CDH13: variants seen among roughly 807,000 people sequenced by gnomAD.
CDH13 encodes cadherin-13.
Under a neutral mutation model 63.8 loss-of-function variants are expected in CDH13, and 24 were observed. The ratio of observed to expected loss-of-function variants is 0.38; its 90% CI spans 0.27 to 0.53. The LOEUF is 0.53. Ranked by LOEUF, CDH13 falls within the 20% of genes least tolerant of loss-of-function variation. The pLI is 0.85. For missense variants in CDH13, 1,049 were observed against 903.1 expected (o/e 1.16, Z -2.07); for synonymous variants, 503 against 355.3 (o/e 1.42, Z -4.67).
chr16:83,483,888 A>G (rs985108290), intron 6 of CDH13, among the ~76,000 whole-genome samples: 2 of 152,210 alleles, frequency 1.3e-5, no homozygotes, highest in Non-Finnish European at 2.9e-5. Context: ...ATTCTGTAGC[A>G]TGTCAATGGG....
chr16:82,891,173 T>C (rs1162083235), intron 2 of CDH13, among the ~76,000 whole-genome samples: 3 of 152,048 alleles, frequency 2.0e-5, no homozygotes, highest in Non-Finnish European at 2.9e-5. Context: ...GAGCCTGATC[T>C]CTGTAAGAGG....
chr16:83,488,476 A>C (rs938491093), intron 7 of CDH13, among the ~76,000 whole-genome samples: 1 of 152,216 alleles, frequency 6.6e-6, no homozygotes, highest in Non-Finnish European at 1.5e-5. Context: ...GGAGAGACAG[A>C]GAAATTTGCA....
intron 1 of CDH13, among the ~76,000 whole-genome samples, chr16:82,658,527 G>T (rs527916893): frequency 2.0e-5 from 3 of 152,350 alleles, no homozygotes; most frequent in African/African-American, 4.8e-5. Context: ...GAGTCAGGCT[G>T]CCTGGGTATA....
At chr16:83,194,464 C>T (rs895252464) in intron 4 of CDH13, among the ~76,000 whole-genome samples, 1 of 152,220 alleles carries the variant, frequency 6.6e-6, no homozygotes, top group African/African-American at 2.4e-5. Flanking sequence ...AGGATAGAAA[C>T]ATAAATGGAA....
At chr16:83,104,630 T>A (rs1365835419) in intron 3 of CDH13, among the ~76,000 whole-genome samples, 2 of 122,866 alleles carry the variant, frequency 1.6e-5, no homozygotes. Flanking sequence ...GTGGCGGGGG[T>A]GGGCGGGGGA....
At chr16:83,547,704 T>C (rs747578166) in intron 7 of CDH13, among the ~76,000 whole-genome samples, 5 of 152,268 alleles carry the variant, frequency 3.3e-5, no homozygotes, top group African/African-American at 1.2e-4. Context: ...CTACAGTTGA[T>C]GGGCATTTAG....
chr16:83,551,707 T>C (rs957278600), intron 7 of CDH13, among the ~76,000 whole-genome samples: 3 of 152,184 alleles, frequency 2.0e-5, no homozygotes, highest in Non-Finnish European at 4.4e-5. Flanking sequence ...TGTCCTCCCT[T>C]GGAGAAATAA....
intron 7 of CDH13, among the ~76,000 whole-genome samples, chr16:83,573,026 G>C (rs939933437): frequency 6.6e-6 from 1 of 152,086 alleles, no homozygotes; most frequent in African/African-American, 2.4e-5. Flanking sequence ...GTTGACATAC[G>C]CAATATTTTT....
intron 1 of CDH13, among the ~76,000 whole-genome samples, chr16:82,718,604 C>G (rs1381508): frequency 6.6e-6 from 1 of 152,128 alleles, no homozygotes; most frequent in Non-Finnish European, 1.5e-5. Flanking sequence ...GGGCAATTTA[C>G]AAAAGAGGTT....
intron 6 of CDH13, among the ~76,000 whole-genome samples, chr16:83,484,405 G>A (rs2151560049): frequency 6.6e-6 from 1 of 152,284 alleles, no homozygotes; most frequent in East Asian, 1.9e-4. Context: ...CAGAAGATGG[G>A]CCTTATATTT....
At chr16:83,773,491 G>A (rs894011085) in intron 11 of CDH13, among the ~76,000 whole-genome samples, 1 of 152,142 alleles carries the variant, frequency 6.6e-6, no homozygotes, top group Non-Finnish European at 1.5e-5. Flanking sequence ...TTAAATGCCA[G>A]ACACTTATAA....
chr16:82,684,377 C>A (rs1914853517), intron 1 of CDH13, among the ~76,000 whole-genome samples: 1 of 152,086 alleles, frequency 6.6e-6, no homozygotes, highest in African/African-American at 2.4e-5. Context: ...GCTGGGATAG[C>A]AAGTAGGTTT....
intron 4 of CDH13, among the ~76,000 whole-genome samples, chr16:83,162,044 G>A (rs1489816387): frequency 6.6e-6 from 1 of 152,164 alleles, no homozygotes; most frequent in Non-Finnish European, 1.5e-5. Flanking sequence ...CCCTTTGTTT[G>A]GGGGTTAGGC....
chr16:83,164,077 C>T (rs528770887), intron 4 of CDH13, among the ~76,000 whole-genome samples: 14 of 152,088 alleles, frequency 9.2e-5, no homozygotes, highest in African/African-American at 2.2e-4. Context: ...GGTAACTGAT[C>T]GGGAAAAAAA....
At chr16:83,277,134 C>T (rs778659205) in intron 5 of CDH13, among the ~76,000 whole-genome samples, 2 of 152,122 alleles carry the variant, frequency 1.3e-5, no homozygotes, top group Admixed American at 1.3e-4. Context: ...ACAAAATGGG[C>T]ACTCAATAAA....
At chr16:83,138,081 A>C (rs1487007584) in intron 4 of CDH13, among the ~76,000 whole-genome samples, 4 of 151,832 alleles carry the variant, frequency 2.6e-5, no homozygotes, top group African/African-American at 9.7e-5. Context: ...ATGTGGGTTT[A>C]ATTGTTCCCA....
chr16:83,238,840 T>A (rs1000378192), intron 5 of CDH13, among the ~76,000 whole-genome samples: 4 of 152,228 alleles, frequency 2.6e-5, no homozygotes, highest in African/African-American at 9.6e-5. Context: ...CATGGAGAAC[T>A]TTGTCTGGCA....
At chr16:83,737,643 T>C (rs907336861) in intron 10 of CDH13, among the ~76,000 whole-genome samples, 5 of 152,192 alleles carry the variant, frequency 3.3e-5, no homozygotes, top group African/African-American at 1.2e-4. Context: ...ATTCTCAGAA[T>C]GGTGGTTCTC....
chr16:82,799,579 C>T (rs66569995), intron 1 of CDH13, among the ~76,000 whole-genome samples: 14 of 152,268 alleles, frequency 9.2e-5, no homozygotes, highest in African/African-American at 3.4e-4. Context: ...AAATGGAAAA[C>T]TCTTACTTAG....
Sources: gnomAD v4.1 joint callset for allele counts (sites outside exome capture counted in the v4.1 genomes callset) on GRCh38, gnomAD v4.1.1 for gene constraint, MANE v1.5 for transcripts, NCBI Gene and HGNC (gene_info 2026-07-23, HGNC 2026-07-21) for gene names.